Variants in AFF3 observed in about 807,000 individuals in gnomAD.
The protein encoded by AFF3 is ALF transcription elongation factor 3, also known as AF4/FMR2 family member 3.
In AFF3, 32 loss-of-function variants were observed where a neutral mutation model predicts 129.7. The ratio of observed to expected loss-of-function variants is 0.25; its 90% CI spans 0.19 to 0.33. The LOEUF is 0.33. Ranked by LOEUF, AFF3 falls within the 10% of genes least tolerant of loss-of-function variation. The pLI is 1.00. For synonymous variants in AFF3, 644 were observed against 635.4 expected, an observed-to-expected ratio of 1.01 and a Z score of -0.20; for missense variants, 1,373 against 1,592.0, an observed-to-expected ratio of 0.86 and a Z score of 2.34.
At chr2:99,654,029 G>A (rs540931729) in intron 12 of AFF3, among the ~76,000 whole-genome samples, 3 of 152,110 alleles carry the variant, frequency 2.0e-5, no homozygotes, top group South Asian at 4.2e-4. Flanking sequence ...ACAGGCATGC[G>A]CCACCAAACC....
chr2:99,737,637 CT>C lies in AFF3; in HGVS notation c.1039+6466del, dbSNP rs201427905. ...TTAGCTATAATGTGTGTAGTGTGGA[CT>C]TTTTTTTTTTTCATTTATCCTTGGT... On this transcript the variant is annotated intron_variant, in intron 10 of 24. Transcript: ENST00000672756. 2.8e-3 allele frequency among the ~76,000 whole-genome samples: 399 copies of C among 141,932 alleles called. 3 individuals are homozygous for C. In the East Asian group the frequency reaches 0.033, roughly 12 times the overall value. The allele number at this position is 141,932 out of a possible 152,430, so 93.1% of individuals were successfully genotyped here. A position where few individuals can be genotyped will look rare whatever the true frequency, so the allele number is the denominator to read the frequency against.
At chr2:100,100,854 G>T (rs943935298) in intron 4 of AFF3, among the ~76,000 whole-genome samples, 1 of 152,220 alleles carries the variant, frequency 6.6e-6, no homozygotes. Context: ...GTGGACCACA[G>T]AAGGAAGACC....
intron 1 of AFF3, among the ~76,000 whole-genome samples, chr2:100,140,350 T>G (rs1427236196): frequency 6.6e-6 from 1 of 152,244 alleles, no homozygotes; most frequent in African/African-American, 2.4e-5. Context: ...CTCCTCACCA[T>G]GCCTTCAGCT....
At chr2:100,107,459 A>T in intron 2 of AFF3, 2 of 985,272 alleles carry the variant, frequency 2.0e-6, no homozygotes, top group Non-Finnish European at 2.4e-6. Flanking sequence ...GAACTTTTTT[A>T]TGTAAAAGAG....
At chr2:99,917,779 T>G (rs947367543) in intron 7 of AFF3, among the ~76,000 whole-genome samples, 1 of 152,192 alleles carries the variant, frequency 6.6e-6, no homozygotes, top group South Asian at 2.1e-4. Context: ...TTTACATTTC[T>G]ACACAGGATA....
chr2:99,925,169 C>T (rs1696135605), intron 7 of AFF3, among the ~76,000 whole-genome samples: 3 of 152,142 alleles, frequency 2.0e-5, no homozygotes, highest in Non-Finnish European at 4.4e-5. Flanking sequence ...TGAGCTACCA[C>T]ACCAGCCCCA....
intron 10 of AFF3, among the ~76,000 whole-genome samples, chr2:99,729,324 C>T (rs138121889): frequency 4.6e-5 from 7 of 152,272 alleles, no homozygotes; most frequent in South Asian, 2.1e-4. Flanking sequence ...GGGACAGATG[C>T]GCAGCTGATT....
At chr2:99,658,002 G>C (rs1477743659) in intron 12 of AFF3, among the ~76,000 whole-genome samples, 3 of 152,182 alleles carry the variant, frequency 2.0e-5, no homozygotes, top group African/African-American at 7.2e-5. Flanking sequence ...ACTCCCTAGA[G>C]ATAAACCCAC....
At chr2:99,896,424 C>T (rs1035099321) in intron 7 of AFF3, among the ~76,000 whole-genome samples, 14 of 151,952 alleles carry the variant, frequency 9.2e-5, no homozygotes, top group Non-Finnish European at 1.3e-4. Context: ...TGTCCATAAG[C>T]CCACTCCTGC....
intron 11 of AFF3, among the ~76,000 whole-genome samples, chr2:99,702,924 A>T (rs896774396): frequency 6.6e-6 from 1 of 152,184 alleles, no homozygotes; most frequent in African/African-American, 2.4e-5. Context: ...ATGAAGTCCA[A>T]TTTACCAGTT....
intron 1 of AFF3, among the ~76,000 whole-genome samples, chr2:100,130,497 A>G (rs748103999): frequency 1.3e-5 from 2 of 152,262 alleles, no homozygotes; most frequent in Non-Finnish European, 2.9e-5. Flanking sequence ...GAGCAAGAGA[A>G]GTGTGGGCTG....
intron 7 of AFF3, among the ~76,000 whole-genome samples, chr2:99,910,896 G>C (rs1695063628): frequency 6.6e-6 from 1 of 152,246 alleles, no homozygotes; most frequent in African/African-American, 2.4e-5. Flanking sequence ...CACATAATTA[G>C]AGCTAACATT....
At chr2:100,060,562 G>C (rs1687188716) in intron 4 of AFF3, among the ~76,000 whole-genome samples, 1 of 152,024 alleles carries the variant, frequency 6.6e-6, no homozygotes, top group African/African-American at 2.4e-5. Context: ...TGAGCTATTA[G>C]ATAAATGATT....
At position 99,550,758 on chromosome 2, in the gene AFF3, T is replaced by C. The variant is rs1024934911; in HGVS notation, c.*716A>G. ...GTGCCATTTGCATACTACTTGGAGGTGGGGCTGGGAAGGGCTGTGAGTGTC... is the reference window on the plus strand; with the variant it reads ...GTGCCATTTGCATACTACTTGGAGGCGGGGCTGGGAAGGGCTGTGAGTGTC... On this transcript the variant is annotated 3_prime_UTR_variant, in exon 25 of 25. Coordinates refer to ENST00000672756, the MANE Select transcript of AFF3 (RefSeq NM_001386135.1). The C allele has an allele frequency of 5.6e-5, 13 of 233,228 alleles. No individual in the cohort carries two copies. Among genetic ancestry groups the C allele is most frequent in the African/African-American group, 2.6e-4 (12 of 45,286 alleles). 14.4% of individuals were successfully genotyped at this position (233,228 alleles called of 1,614,324 possible).
chr2:99,608,997 CAGA>C (rs1211970890), intron 13 of AFF3, among the ~76,000 whole-genome samples: 2 of 152,070 alleles, frequency 1.3e-5, no homozygotes, highest in Non-Finnish European at 1.5e-5. Context: ...AGACCACAAC[CAGA>C]AGAAGTTTTA....
intron 4 of AFF3, among the ~76,000 whole-genome samples, chr2:100,038,727 CTTT>C (rs769729156): frequency 7.0e-6 from 1 of 142,260 alleles, no homozygotes; most frequent in South Asian, 2.2e-4. Flanking sequence ...TCTTCTTCTT[CTTT>C]TTTTTTTTTT....
chr2:99,922,954 T>C (rs965216537), intron 7 of AFF3, among the ~76,000 whole-genome samples: 10 of 152,202 alleles, frequency 6.6e-5, no homozygotes, highest in Admixed American at 1.3e-4. Flanking sequence ...TTCTCGAACG[T>C]AGTATACTAC....
chr2:99,929,699 T>TGCAATAAAGTACAAGGCCAG (rs1696531101), intron 7 of AFF3, among the ~76,000 whole-genome samples: 1 of 152,164 alleles, frequency 6.6e-6, no homozygotes, highest in Non-Finnish European at 1.5e-5. Context: ...AAGTTCACAG[T>TGCAATAAAGTACAAGGCCAG]GCAATAAAGT....
chr2:100,057,335 A>AC (rs1204910730), intron 4 of AFF3, among the ~76,000 whole-genome samples: 2 of 151,152 alleles, frequency 1.3e-5, no homozygotes, highest in Non-Finnish European at 1.5e-5. Context: ...AAAAAAAAAA[A>AC]AAAAAAAAAC....
Sources: gnomAD v4.1 joint callset for allele counts (sites outside exome capture counted in the v4.1 genomes callset) on GRCh38, gnomAD v4.1.1 for gene constraint, MANE v1.5 for transcripts, NCBI Gene and HGNC (gene_info 2026-07-23, HGNC 2026-07-21) for gene names.